The following DCAF7 variants were observed in gnomAD, a reference collection of about 807,000 sequenced individuals.
DCAF7 encodes the protein DDB1- and CUL4-associated factor 7.
Under a neutral mutation model 41.2 loss-of-function variants are expected in DCAF7, and 4 were observed. That is an observed-to-expected ratio of 0.10 (90% confidence interval 0.05 to 0.22). DCAF7 has a LOEUF of 0.22. Ranked by LOEUF, DCAF7 falls within the 10% of genes least tolerant of loss-of-function variation. DCAF7 has a pLI of 1.00. For missense variants in DCAF7, 131 were observed against 443.2 expected (o/e 0.30, Z 6.32); for synonymous variants, 143 against 164.2 (o/e 0.87, Z 0.99).
chr17:63,556,011 C>T (rs2033307175), intron 1 of DCAF7, among the ~76,000 whole-genome samples: 1 of 152,174 alleles, frequency 6.6e-6, no homozygotes, highest in Non-Finnish European at 1.5e-5. Context: ...TTTAATAGGG[C>T]AGGACCTTGG....
chr17:63,551,281 T>G (rs2033250268), intron 1 of DCAF7, among the ~76,000 whole-genome samples: 1 of 150,586 alleles, frequency 6.6e-6, no homozygotes, highest in South Asian at 2.1e-4. Flanking sequence ...CGATCTATTG[T>G]ACAAGCTTCC....
chr17:63,566,132 A>G (rs913616612), intron 1 of DCAF7, among the ~76,000 whole-genome samples: 1 of 151,696 alleles, frequency 6.6e-6, no homozygotes, highest in Non-Finnish European at 1.5e-5. Context: ...GCACTTTGGG[A>G]GGCCGAGGTG....
At chr17:63,559,499 C>T (rs193229760) in intron 1 of DCAF7, among the ~76,000 whole-genome samples, 56 of 146,758 alleles carry the variant, frequency 3.8e-4, no homozygotes, top group Middle Eastern at 3.6e-3. Flanking sequence ...AAAATTGGAT[C>T]TCTACCTTAA....
intron 1 of DCAF7, among the ~76,000 whole-genome samples, chr17:63,566,803 T>TGAA (rs917512239): frequency 1.1e-4 from 16 of 152,254 alleles, no homozygotes; most frequent in African/African-American, 3.9e-4. Context: ...CTTAAGAGGC[T>TGAA]GAAGGATCGC....
rs1335068757 is a variant in DCAF7, at chr17:63,594,013, A to G, written c.*4841A>G. 1.3e-5 allele frequency: 2 copies of G among 152,640 alleles called. No homozygotes were observed. Among genetic ancestry groups the G allele is most frequent in the Non-Finnish European group, 2.9e-5 (2 of 68,046 alleles). 9.5% of individuals were successfully genotyped at this position (152,640 alleles called of 1,614,324 possible). A position where few individuals can be genotyped will look rare whatever the true frequency, so the allele number is the denominator to read the frequency against. ...ACTGTAATATTTTTCTTTTATAAAT[A>G]TTTTCACAGGACTGATTGTACACAG... On this transcript the variant is annotated 3_prime_UTR_variant, in exon 7 of 7. Transcript: ENST00000614556.
rs1200146003 is a variant in DCAF7 at position 63,591,352 on chromosome 17, C to T, written c.*2180C>T. On this transcript the variant is annotated 3_prime_UTR_variant, in exon 7 of 7. Transcript: ENST00000614556. ...GTCAGCTGGAACTCAGAAACAACAA[C>T]TTGAAAAAAAAATAATAATTAGAAC... The T allele has an allele frequency of 6.6e-6, 1 of 151,956 alleles. No homozygotes were observed. Among genetic ancestry groups the T allele is most frequent in the Non-Finnish European group, 1.5e-5 (1 of 67,992 alleles). The allele number at this position is 151,956 out of a possible 1,614,324, so 9.4% of individuals were successfully genotyped here.
chr17:63,584,191 C>T (rs148358349), intron 5 of DCAF7, among the ~76,000 whole-genome samples: 19 of 152,304 alleles, frequency 1.2e-4, no homozygotes, highest in African/African-American at 3.8e-4. Context: ...GCCCTCTGGC[C>T]GGGCGCTCTG....
At chr17:63,558,085 G>A (rs1176541664) in intron 1 of DCAF7, among the ~76,000 whole-genome samples, 1 of 152,124 alleles carries the variant, frequency 6.6e-6, no homozygotes, top group Non-Finnish European at 1.5e-5. Context: ...TGTAGAGGCA[G>A]GGTTTTGCCA....
At chr17:63,559,389 ATATATATATG>A (rs1220467020) in intron 1 of DCAF7, among the ~76,000 whole-genome samples, 13 of 47,624 alleles carry the variant, frequency 2.7e-4, no homozygotes, top group South Asian at 5.3e-4. Context: ...ATATATATGT[ATATATATATG>A]TATATATATG....
chr17:63,569,747 C>G (rs549218229), intron 1 of DCAF7, among the ~76,000 whole-genome samples: 2 of 152,250 alleles, frequency 1.3e-5, no homozygotes, highest in South Asian at 4.2e-4. Flanking sequence ...GAGTGTCACT[C>G]TGTTGCTCAG....
At chr17:63,559,319 A>G (rs28692558) in intron 1 of DCAF7, among the ~76,000 whole-genome samples, 4 of 91,080 alleles carry the variant, frequency 4.4e-5, no homozygotes, top group African/African-American at 2.4e-4. Context: ...ATATATATAT[A>G]TGTATATATA....
Position 63,559,457 on chromosome 17 carries a change from ATT to A in DCAF7, c.138+8646_138+8647del, listed in dbSNP as rs34722097. 4.0e-3 allele frequency among the ~76,000 whole-genome samples: 552 copies of A among 137,548 alleles called. 6 individuals carry two copies. Among genetic ancestry groups the A allele is most frequent in the African/African-American group, 0.014 (513 of 36,066 alleles). 90.2% of individuals were successfully genotyped at this position (137,548 alleles called of 152,430 possible). A position where few individuals can be genotyped will look rare whatever the true frequency, so the allele number is the denominator to read the frequency against. On this transcript the variant is annotated intron_variant, in intron 1 of 6. Coordinates refer to ENST00000614556, the MANE Select transcript of DCAF7 (RefSeq NM_005828.5). ...TGTGTGTGTATATATATATATATAT[ATT>A]TTTAATAATTGGTATTGAAACCAGA... is the stretch of plus-strand genomic sequence containing the variant.
chr17:63,577,501 A>G (rs2033575161), intron 1 of DCAF7, among the ~76,000 whole-genome samples: 1 of 152,170 alleles, frequency 6.6e-6, no homozygotes, highest in Non-Finnish European at 1.5e-5. Flanking sequence ...AAAGATTGGA[A>G]GTTAATGGTG....
chr17:63,570,296 A>G (rs1006536304), intron 1 of DCAF7, among the ~76,000 whole-genome samples: 1 of 151,974 alleles, frequency 6.6e-6, no homozygotes, highest in Admixed American at 6.6e-5. Flanking sequence ...TCTACAAAAT[A>G]TGGAAAAATT....
chr17:63,570,875 T>A (rs557925087), intron 1 of DCAF7, among the ~76,000 whole-genome samples: 1 of 152,182 alleles, frequency 6.6e-6, no homozygotes, highest in African/African-American at 2.4e-5. Context: ...TTGGAAAAAA[T>A]TTTAAAATTT....
At chr17:63,571,103 T>C (rs1479551617) in intron 1 of DCAF7, among the ~76,000 whole-genome samples, 1 of 151,974 alleles carries the variant, frequency 6.6e-6, no homozygotes, top group East Asian at 1.9e-4. Context: ...AGAGAATCAC[T>C]TGAATCCAGG....
chr17:63,583,755 G>T, intron 5 of DCAF7, 44 bp downstream of exon 5: 1 of 1,580,474 alleles, frequency 6.3e-7, no homozygotes, highest in Non-Finnish European at 8.7e-7. Flanking sequence ...CCTAACTCCA[G>T]CACTGCTTAG....
In DCAF7 at chr17:63,581,643, G is replaced by T. The variant is rs540384895; in HGVS notation, c.528+1700G>T. 1.1e-4 allele frequency among the ~76,000 whole-genome samples: 16 copies of T among 152,330 alleles called. No homozygotes were observed. The East Asian group carries it at 2.9e-3, about 28-fold the overall frequency. On this transcript the variant is annotated intron_variant, in intron 4 of 6. Coordinates refer to ENST00000614556, the MANE Select transcript of DCAF7 (RefSeq NM_005828.5). ...TCTGAGACCCTGCCAAATGCACGCT[G>T]TAGGAATCAGTTCTCTTGTGACACA...
chr17:63,576,629 A>C (rs1447871378), intron 1 of DCAF7, among the ~76,000 whole-genome samples: 1 of 151,130 alleles, frequency 6.6e-6, no homozygotes, highest in Admixed American at 6.6e-5. Flanking sequence ...GGACATAAAA[A>C]ATTTTTTGGG....
Sources: gnomAD v4.1 joint callset for allele counts (sites outside exome capture counted in the v4.1 genomes callset) on GRCh38, gnomAD v4.1.1 for gene constraint, MANE v1.5 for transcripts, NCBI Gene and HGNC (gene_info 2026-07-23, HGNC 2026-07-21) for gene names.